SLCO4C1: variants seen among roughly 807,000 people sequenced by gnomAD.
The protein encoded by SLCO4C1 is organic anion transporter M1.
A neutral mutation model predicts 72.1 loss-of-function variants in SLCO4C1; 58 were observed. The observed-to-expected ratio is 0.80, with a 90% CI of 0.65 to 1.00. SLCO4C1 has a LOEUF of 1.00. SLCO4C1 is among the 50% of genes least tolerant of loss of function. The pLI, the probability that SLCO4C1 is intolerant of heterozygous loss-of-function variation, is 0.00. For synonymous variants in SLCO4C1, 297 were observed against 312.5 expected (o/e 0.95, Z 0.52); for missense variants, 898 against 857.9 (o/e 1.05, Z -0.58).
chr5:102,274,963 T>C (rs1470104511), intron 2 of SLCO4C1, among the ~76,000 whole-genome samples: 2 of 152,020 alleles, frequency 1.3e-5, no homozygotes, highest in African/African-American at 4.8e-5. Flanking sequence ...ACCACATCTC[T>C]GGTTACCACG....
At chr5:102,277,772 C>T (rs1749275655) in intron 2 of SLCO4C1, among the ~76,000 whole-genome samples, 1 of 151,258 alleles carries the variant, frequency 6.6e-6, no homozygotes, top group Admixed American at 6.6e-5. Flanking sequence ...AAATAAGAAC[C>T]AGAGTCTAAT....
At chr5:102,275,184 A>G (rs1378248594) in intron 2 of SLCO4C1, among the ~76,000 whole-genome samples, 1 of 152,100 alleles carries the variant, frequency 6.6e-6, no homozygotes, top group Non-Finnish European at 1.5e-5. Flanking sequence ...ATCCTGACAG[A>G]AAAAAGTAAA....
chr5:102,240,930 G>A (rs749547036), intron 10 of SLCO4C1, 148 bp from the exon 11 acceptor site: 55 of 506,190 alleles, frequency 1.1e-4, no homozygotes, highest in Non-Finnish European at 1.8e-4. Flanking sequence ...GCTTATAAAT[G>A]GTTTAATCTT....
chr5:102,236,605 C>CGTGTGT lies in SLCO4C1; in HGVS notation c.*247_*252dup, dbSNP rs3995237. On this transcript the variant is annotated 3_prime_UTR_variant, in exon 13 of 13. Transcript: ENST00000310954. Reference sequence around the variant, plus strand: ...GCGTGTGTGTGTGTGTGTGTGTGTTCGTGTGTGTGTGTGTGTGTGTGCTCG... The same window carrying CGTGTGT: ...GCGTGTGTGTGTGTGTGTGTGTGTTCGTGTGTGTGTGTGTGTGTGTGTGTGTGCTCG... The CGTGTGT allele has an allele frequency of 9.0e-4, 257 of 286,874 alleles. 1 individual carries two copies. The highest frequency in any genetic ancestry group is 6.2e-3 in the African/African-American group (241 of 39,150). The allele number at this position is 286,874 out of a possible 1,614,324, so 17.8% of individuals were successfully genotyped here. A position where few individuals can be genotyped will look rare whatever the true frequency, so the allele number is the denominator to read the frequency against.
intron 3 of SLCO4C1, among the ~76,000 whole-genome samples, chr5:102,269,353 T>C (rs988488474): frequency 1.4e-4 from 1 of 6,976 alleles, no homozygotes; most frequent in South Asian, 2.3e-3. Flanking sequence ...GCTTTCTTTA[T>C]TTTTTTTTTC....
In SLCO4C1 at chr5:102,257,281, C is replaced by G. The variant is rs546037634; in HGVS notation, c.1303G>C (p.Gly435Arg). 1.3e-6 allele frequency: 2 copies of G among 1,599,022 alleles called. No homozygotes were observed. Among genetic ancestry groups the G allele is most frequent in the Middle Eastern group, 1.7e-4 (1 of 5,968 alleles). The change falls in exon 8 of 13, where the codon GGT (glycine) becomes CGT (arginine). Residue 435 changes from glycine to arginine, a missense_variant. Coordinates refer to ENST00000310954, the MANE Select transcript of SLCO4C1 (RefSeq NM_180991.5). ...ACAAGGAAGCCACCTAAAATTTGAC[C>G]GAGAGCAGCTCCAGGAATTAAAACA... Reference protein sequence around the residue: ...GAVLIPGAALGQILGGFLVSK... With the variant: ...GAVLIPGAALRQILGGFLVSK...
intron 9 of SLCO4C1, among the ~76,000 whole-genome samples, chr5:102,249,322 T>G (rs921564289): frequency 2.0e-5 from 3 of 152,150 alleles, no homozygotes; most frequent in Non-Finnish European, 4.4e-5. Flanking sequence ...TTTGGGTATA[T>G]GCAGGGGTCC....
intron 2 of SLCO4C1, among the ~76,000 whole-genome samples, chr5:102,276,864 T>C (rs901649863): frequency 1.3e-5 from 2 of 152,156 alleles, no homozygotes; most frequent in Admixed American, 1.3e-4. Flanking sequence ...TGTGCCTTGA[T>C]GGAAACTTAA....
intron 3 of SLCO4C1, among the ~76,000 whole-genome samples, chr5:102,268,059 C>T (rs1364118047): frequency 4.6e-5 from 7 of 151,992 alleles, no homozygotes; most frequent in Non-Finnish European, 1.0e-4. Flanking sequence ...GAACATGTAT[C>T]CTGTAGCTGC....
At position 102,270,633 on chromosome 5, in the gene SLCO4C1, G is replaced by A. The variant is rs755186487; in HGVS notation, c.793C>T (p.Leu265Phe). ...TAGAGAGTAAACTTACCTATATAGA[G>A]AGAAGACTTGTGTGTGGGCACAGAA... Reference protein sequence around the residue: ...DDSVPTHKSSLYIGTGYAMSI... With the variant: ...DDSVPTHKSSFYIGTGYAMSI... The change falls in exon 3 of 13, where the codon CTC (leucine) becomes TTC (phenylalanine). Residue 265 changes from leucine to phenylalanine, a missense_variant. Transcript: ENST00000310954. 16 of 1,609,872 alleles carry A rather than the reference G, an allele frequency of 9.9e-6. No homozygotes were observed. Among genetic ancestry groups the A allele is most frequent in the Non-Finnish European group, 1.4e-5 (16 of 1,178,166 alleles).
At chr5:102,257,059 A>G (rs542274535) in intron 8 of SLCO4C1, 56 bp downstream of exon 8, 187 of 1,283,346 alleles carry the variant, frequency 1.5e-4, no homozygotes, top group Non-Finnish European at 1.8e-4. Context: ...ATATGCTTGG[A>G]AATGCTTAGT....
rs916995001 is a variant in SLCO4C1, at chr5:102,234,643, C to G, written c.*2215G>C. On this transcript the variant is annotated 3_prime_UTR_variant, in exon 13 of 13. Coordinates refer to ENST00000310954, the MANE Select transcript of SLCO4C1 (RefSeq NM_180991.5). ...TTTTTCTTCCTCTAAATTAAGTGGC[C>G]CTAGACTAATATATTTGTTCAGTTA... The G allele has an allele frequency of 1.3e-5, 2 of 151,784 alleles. No individual in the cohort carries two copies. Among genetic ancestry groups the G allele is most frequent in the African/African-American group, 4.8e-5 (2 of 41,296 alleles). 9.4% of individuals were successfully genotyped at this position (151,784 alleles called of 1,614,324 possible). A position where few individuals can be genotyped will look rare whatever the true frequency, so the allele number is the denominator to read the frequency against.
In SLCO4C1 at chr5:102,240,741, T is replaced by C; in HGVS notation, c.1853A>G (p.Gln618Arg). ...ACCTAATAATCGAAGGACCATAAAT[T>C]GTATTCCCAAGGCTAGGGACCGTTG... Reference protein sequence around the residue: ...HRQRSLALGIQFMVLRLLGTI... With the variant: ...HRQRSLALGIRFMVLRLLGTI... The change falls in exon 11 of 13, where the codon CAA becomes CGA. Residue 618 changes from glutamine to arginine, a missense_variant. By Grantham distance (43) the Gln-to-Arg change is conservative (BLOSUM62 1). Transcript: ENST00000310954. 2 of 1,612,012 alleles carry C rather than the reference T, an allele frequency of 1.2e-6. No individual in the cohort carries two copies. Among genetic ancestry groups the C allele is most frequent in the Non-Finnish European group, 1.7e-6 (2 of 1,178,726 alleles).
At chr5:102,294,079 T>G (rs1376977975) in intron 1 of SLCO4C1, among the ~76,000 whole-genome samples, 1 of 152,210 alleles carries the variant, frequency 6.6e-6, no homozygotes, top group East Asian at 1.9e-4. Flanking sequence ...CAACTAGTTT[T>G]TGTATTTTTG....
intron 10 of SLCO4C1, 41 bp from the exon 11 acceptor site, chr5:102,240,823 T>G: frequency 7.0e-7 from 1 of 1,426,660 alleles, no homozygotes; most frequent in Non-Finnish European, 9.8e-7. Context: ...AAAGGTGGTA[T>G]AGTATATTCA....
intron 3 of SLCO4C1, among the ~76,000 whole-genome samples, chr5:102,264,372 A>G (rs1278400746): frequency 6.6e-6 from 1 of 152,124 alleles, no homozygotes; most frequent in Non-Finnish European, 1.5e-5. Context: ...GAATTTTCAT[A>G]AAACAAAAGT....
At chr5:102,276,035 G>A (rs1749240855) in intron 2 of SLCO4C1, among the ~76,000 whole-genome samples, 1 of 152,126 alleles carries the variant, frequency 6.6e-6, no homozygotes, top group African/African-American at 2.4e-5. Context: ...GAGGACACCA[G>A]GAAAATGCAC....
At chr5:102,258,406 C>A (rs1748878037) in intron 6 of SLCO4C1, among the ~76,000 whole-genome samples, 1 of 152,100 alleles carries the variant, frequency 6.6e-6, no homozygotes, top group Non-Finnish European at 1.5e-5. Context: ...TACTGTAAAT[C>A]TCCACACTAT....
chr5:102,280,965 G>T (rs1321919797), intron 2 of SLCO4C1, among the ~76,000 whole-genome samples: 2 of 152,018 alleles, frequency 1.3e-5, no homozygotes, highest in African/African-American at 4.8e-5. Flanking sequence ...ATATAGACAA[G>T]ATTATTCTAA....
Sources: gnomAD v4.1 joint callset for allele counts (sites outside exome capture counted in the v4.1 genomes callset) on GRCh38, gnomAD v4.1.1 for gene constraint, MANE v1.5 for transcripts, NCBI Gene and HGNC (gene_info 2026-07-23, HGNC 2026-07-21) for gene names.